Variants in PRICKLE3 observed in about 807,000 individuals in gnomAD.
PRICKLE3 encodes LIM domain only protein 6.
In PRICKLE3, 17 loss-of-function variants were observed where a neutral mutation model predicts 33.8. That is an observed-to-expected ratio of 0.50 (90% CI 0.34 to 0.75). PRICKLE3 has a LOEUF of 0.75. PRICKLE3 is among the 30% of genes least tolerant of loss of function. PRICKLE3 has a pLI of 0.01. For missense variants in PRICKLE3, 573 were observed against 576.7 expected (o/e 0.99, Z 0.07); for synonymous variants, 211 against 219.6 (o/e 0.96, Z 0.34).
At chrX:49,180,556 C>T (rs1185351230) in intron 3 of PRICKLE3, among the ~76,000 whole-genome samples, 1 of 111,187 alleles carries the variant, frequency 9.0e-6, no homozygotes, top group African/African-American at 3.3e-5. Context: ...GGTAGCACTG[C>T]ACCGAGCTGA....
rs1557100250 is a variant in PRICKLE3 at position 49,177,157 on chromosome X, G to A, written c.1001C>T (p.Ala334Val). The change falls in exon 8 of 9, where the codon GCC becomes GTC. Residue 334 changes from alanine to valine, a missense_variant. Physicochemically the swap from Ala to Val is moderately conservative, Grantham distance 64. Transcript: ENST00000599218. ...ACTACAGCAGAAGCAGCGGTCTGAG[G>A]CATGCCAGTGCTGGCCCTCGTAAGC... ...QMAYEGQHWH[A>V]SDRCFCCSRC... 3 of 1,191,826 alleles carry A rather than the reference G, an allele frequency of 2.5e-6. No individual in the cohort carries two copies. Among genetic ancestry groups the A allele is most frequent in the East Asian group, 3.0e-5 (1 of 33,214 alleles).
intron 1 of PRICKLE3, among the ~76,000 whole-genome samples, chrX:49,185,534 C>T (rs1557101758): frequency 9.0e-6 from 1 of 111,353 alleles, no homozygotes; most frequent in Non-Finnish European, 1.9e-5. Flanking sequence ...TGACTCTCAG[C>T]ATTTCGGCAT....
rs1557100634 is a variant in PRICKLE3, at chrX:49,179,265, C to A, written c.550G>T (p.Ala184Ser). The A allele has an allele frequency of 8.3e-7, 1 of 1,211,023 alleles. No homozygotes were observed. Among genetic ancestry groups the A allele is most frequent in the South Asian group, 1.8e-5 (1 of 56,774 alleles). Reference protein sequence around the residue: ...VRIFPVTITGAICEECGKQIG... With the variant: ...VRIFPVTITGSICEECGKQIG... ...CCACGGCTCACCTCCTCACAGATGG[C>A]CCCAGTGATGGTCACCGGGAAGATG... is the stretch of plus-strand genomic sequence containing the variant. The change falls in exon 5 of 9, where the codon GCC becomes TCC. Residue 184 changes from alanine to serine, a missense_variant. Ala to Ser is a moderately conservative substitution (Grantham distance 99, BLOSUM62 1). Transcript: ENST00000599218.
At position 49,179,754 on chromosome X, in the gene PRICKLE3, CTGT is replaced by C; in HGVS notation, c.362_364del (p.Asn121del). 3 of 1,188,180 alleles carry C rather than the reference CTGT, an allele frequency of 2.5e-6. No homozygotes were observed. Among genetic ancestry groups the C allele is most frequent in the Non-Finnish European group, 3.4e-6 (3 of 881,788 alleles). ...CTTGATCCTGTATTTCTCCCCAGGA[CTGT>C]TGACGTAGGGGACCTTGTCCTCTGG... On this transcript the variant is annotated inframe_deletion, in exon 4 of 9. Coordinates refer to ENST00000599218, the MANE Select transcript of PRICKLE3 (RefSeq NM_006150.5).
At chrX:49,180,450 C>T (rs782744526) in intron 3 of PRICKLE3, among the ~76,000 whole-genome samples, 13 of 111,482 alleles carry the variant, frequency 1.2e-4, no homozygotes, top group Admixed American at 1.1e-3. Flanking sequence ...GGCAGGCTTC[C>T]GCTCCCATCC....
At chrX:49,178,509 C>T in intron 5 of PRICKLE3, 34 bp from the exon 6 acceptor site, 1 of 1,168,425 alleles carries the variant, frequency 8.6e-7, no homozygotes, top group Non-Finnish European at 1.2e-6. Flanking sequence ...TGGTTACCAT[C>T]ACTGTCACCA....
At chrX:49,185,028 C>A in intron 1 of PRICKLE3, 1 of 504,070 alleles carries the variant, frequency 2.0e-6, no homozygotes, top group East Asian at 5.7e-5. Context: ...TTCCAGGGCT[C>A]AAGCACCTCC....
At chrX:49,179,501 C>T in intron 4 of PRICKLE3, 113 bp from the exon 5 acceptor site, 1 of 1,071,189 alleles carries the variant, frequency 9.3e-7, no homozygotes, top group Non-Finnish European at 1.3e-6. Flanking sequence ...TAGATGGTGC[C>T]TCCTGCCTGA....
At chrX:49,184,750 C>T in intron 1 of PRICKLE3, 40 bp from the exon 2 acceptor site, 1 of 1,162,162 alleles carries the variant, frequency 8.6e-7, no homozygotes. Flanking sequence ...GGGTGAGGCG[C>T]GGAAGCAGGG....
chrX:49,177,003 GC>G lies in PRICKLE3; in HGVS notation c.1154del (p.Gly385AlafsTer17), dbSNP rs782796019. The stretch of plus-strand genomic sequence containing the variant: ...AGGCTGCAAGTGGGGCTGTGACAGG[GC>G]CGGCACTCCAGCTGCGGCGGCTCGG... ...PGPSRRSWSA[G>X]PVTAPLAAST... is the part of the protein sequence containing the mutation. On this transcript the variant is annotated frameshift_variant, in exon 8 of 9. Coordinates refer to ENST00000599218, the MANE Select transcript of PRICKLE3 (RefSeq NM_006150.5). LOFTEE classifies it high-confidence loss of function. 2.5e-6 allele frequency: 3 copies of G among 1,209,263 alleles called. No homozygotes were observed. The highest frequency in any genetic ancestry group is 3.4e-6 in the Non-Finnish European group (3 of 894,596).
At chrX:49,176,476 C>A (rs1425766754) in intron 8 of PRICKLE3, among the ~76,000 whole-genome samples, 1 of 109,531 alleles carries the variant, frequency 9.1e-6, no homozygotes, top group Non-Finnish European at 1.9e-5. Flanking sequence ...GAACACGGAG[C>A]AAGATGGGAC....
rs149407053 is a variant in PRICKLE3 at position 49,183,813 on chromosome X, C to A, written c.233G>T (p.Arg78Leu). The A allele has an allele frequency of 8.3e-7, 1 of 1,211,017 alleles. No homozygotes were observed. Among genetic ancestry groups the A allele is most frequent in the Admixed American group, 2.2e-5 (1 of 45,997 alleles). ...IMCRLISDFQ[R>L]HSISDDDSGC... Reference sequence around the variant, plus strand: ...TGAGTCGTCGTCGGAGATGGAGTGGCGCTGGAAGTCCGAGATTAGCCGACA... The same window carrying A: ...TGAGTCGTCGTCGGAGATGGAGTGGAGCTGGAAGTCCGAGATTAGCCGACA... Residue 78 changes from arginine to leucine, a missense_variant, in exon 3 of 9, where the codon CGC (arginine) becomes CTC (leucine). Physicochemically the swap from Arg to Leu is moderately radical, Grantham distance 102 (BLOSUM62 -2). Transcript: ENST00000599218.
intron 3 of PRICKLE3, among the ~76,000 whole-genome samples, chrX:49,180,035 C>CTTTTTTT (rs150588040): frequency 9.2e-5 from 5 of 54,389 alleles, no homozygotes; most frequent in Admixed American, 3.2e-4. Context: ...TGCTGATCAC[C>CTTTTTTT]TTTTTTTTTT....
At chrX:49,179,969 A>G (rs1008766248) in intron 3 of PRICKLE3, 163 bp from the exon 4 acceptor site, 7 of 362,154 alleles carry the variant, frequency 1.9e-5, no homozygotes, top group Non-Finnish European at 3.3e-5. Flanking sequence ...CTCAGCTCCC[A>G]GCTCCCAAAC....
chrX:49,177,583 G>C lies in PRICKLE3; in HGVS notation c.956-381C>G, dbSNP rs1242114435. On this transcript the variant is annotated intron_variant, in intron 7 of 8. Coordinates refer to ENST00000599218, the MANE Select transcript of PRICKLE3 (RefSeq NM_006150.5). ...GTGGGGGCAGGGCTTAGCAGGTGGG[G>C]AGTGGCCCTGTTGAGAAAGGAGTGG... is the stretch of plus-strand genomic sequence containing the variant. Among the ~76,000 whole-genome samples, 3 of 111,852 alleles carry C rather than the reference G, an allele frequency of 2.7e-5. No individual in the cohort carries two copies. In the East Asian group the frequency reaches 8.5e-4, roughly 32 times the overall value.
In PRICKLE3 at chrX:49,183,174, A is replaced by G. The variant is rs781897968; in HGVS notation, c.312+560T>C. Among the ~76,000 whole-genome samples the G allele has an allele frequency of 1.1e-4, 12 of 112,050 alleles. No individual in the cohort carries two copies. In the South Asian group the frequency reaches 2.6e-3, roughly 24 times the overall value. On this transcript the variant is annotated intron_variant, in intron 3 of 8. Transcript: ENST00000599218. ...TCATTGCTGTGTCCTCAGTGCCTAG[A>G]ACAGTGTCTCACATGCAGTAGGTGC...
chrX:49,177,927 G>T (rs990941536), intron 7 of PRICKLE3, 66 bp downstream of exon 7: 2 of 1,083,871 alleles, frequency 1.8e-6, no homozygotes, highest in South Asian at 4.8e-5. Context: ...GAGGAGTCCT[G>T]GTGGGGTAGG....
rs2065420047 is a variant in PRICKLE3 at position 49,176,777 on chromosome X, C to T, written c.1255+126G>A. The T allele has an allele frequency of 7.2e-6, 5 of 699,216 alleles. No individual in the cohort carries two copies. In the South Asian group the frequency reaches 1.2e-4, roughly 17 times the overall value. 57.6% of individuals were successfully genotyped at this position (699,216 alleles called of 1,213,427 possible). On this transcript the variant is annotated intron_variant, in intron 8 of 8. Transcript: ENST00000599218. ...GAAGGAGGATGAGCTGAGAAATGGG[C>T]GGGGCCCAGGGATACAGCAGGTGAA...
At position 49,175,851 on chromosome X, in the gene PRICKLE3, G is replaced by A; in HGVS notation, c.1670C>T (p.Ser557Leu). 1 of 1,212,333 alleles carries A rather than the reference G, an allele frequency of 8.2e-7. No homozygotes were observed. The highest frequency in any genetic ancestry group is 3.0e-5 in the East Asian group (1 of 33,832). Residue 557 changes from serine to leucine, a missense_variant, in exon 9 of 9, where the codon TCA becomes TTA. Transcript: ENST00000599218. ...SSPSSSSSES[S>L]EDDGFFLGER... ...TCCTAGGAAGAAGCCATCATCCTCT[G>A]ATGATTCGGAACTGGAACTGGAGGG...
Sources: allele counts gnomAD v4.1 joint callset (sites outside exome capture counted in the v4.1 genomes callset), GRCh38; gene constraint gnomAD v4.1.1; transcripts MANE v1.5; gene names NCBI Gene and HGNC (gene_info 2026-07-23, HGNC 2026-07-21).